The following PER3 variants were observed in gnomAD, a reference collection of about 807,000 sequenced individuals.
PER3 encodes period circadian protein homolog 3.
PER3 carries 107 observed loss-of-function variants against 127.2 expected under a neutral mutation model. The ratio of observed to expected loss-of-function variants is 0.84; its 90% CI spans 0.72 to 0.99. The LOEUF (loss-of-function observed/expected upper bound fraction) is 0.99. Among genes scored for constraint, PER3 ranks in the 50% least tolerant of loss-of-function variants. The probability of loss-of-function intolerance (pLI) is 0.00; values close to 1 mark genes in which losing one functional copy is unlikely to be tolerated. For missense variants in PER3, 1,560 were observed against 1,525.8 expected, an observed-to-expected ratio of 1.02 and a Z score of -0.37; for synonymous variants, 618 against 585.8, an observed-to-expected ratio of 1.05 and a Z score of -0.79.
intron 16 of PER3, among the ~76,000 whole-genome samples, chr1:7,822,895 C>CA (rs1240989606): frequency 6.6e-6 from 1 of 151,982 alleles, no homozygotes; most frequent in African/African-American, 2.4e-5. Context: ...CCCATCTCTA[C>CA]AAAAAATGTT....
At chr1:7,785,695 C>T (rs533329051) in intron 3 of PER3, 109 bp downstream of exon 3, 5 of 866,080 alleles carry the variant, frequency 5.8e-6, no homozygotes, top group South Asian at 1.8e-5. Flanking sequence ...TGAGCTTTTT[C>T]TGGTGCTTTG....
intron 18 of PER3, 141 bp from the exon 19 acceptor site, chr1:7,829,693 G>C (rs1326554796): frequency 1.5e-6 from 1 of 676,994 alleles, no homozygotes; most frequent in Non-Finnish European, 2.5e-6. Context: ...TTTATTTCTG[G>C]AATTTTCCAT....
At chr1:7,812,624 CAAAAA>C (rs35962033) in intron 13 of PER3, among the ~76,000 whole-genome samples, 142 of 85,388 alleles carry the variant, frequency 1.7e-3, no homozygotes, top group South Asian at 0.01. Context: ...GACTCCGTCT[CAAAAA>C]AAAAAAAAAA....
At chr1:7,789,891 A>G (rs2097110939) in intron 5 of PER3, among the ~76,000 whole-genome samples, 2 of 152,176 alleles carry the variant, frequency 1.3e-5, no homozygotes, top group South Asian at 4.1e-4. Flanking sequence ...TTTCAAAAAT[A>G]CTGATTTTAT....
chr1:7,834,542 A>G (rs1385402458), intron 19 of PER3, among the ~76,000 whole-genome samples: 1 of 152,076 alleles, frequency 6.6e-6, no homozygotes, highest in African/African-American at 2.4e-5. Flanking sequence ...TGTAGCCTCA[A>G]ACTCCTGGGC....
chr1:7,838,410 C>CT (rs1384732318), intron 21 of PER3, among the ~76,000 whole-genome samples: 2 of 152,152 alleles, frequency 1.3e-5, no homozygotes, highest in East Asian at 3.9e-4. Flanking sequence ...TCTACTTTCT[C>CT]TTTTTTCTTT....
intron 8 of PER3, 68 bp downstream of exon 8, chr1:7,801,259 A>G: frequency 1.1e-6 from 1 of 879,898 alleles, no homozygotes; most frequent in East Asian, 2.5e-5. Context: ...AGAAGATTAC[A>G]TTATGTTTGC....
intron 5 of PER3, among the ~76,000 whole-genome samples, chr1:7,789,433 T>C (rs1450122573): frequency 6.6e-6 from 1 of 152,154 alleles, no homozygotes; most frequent in Non-Finnish European, 1.5e-5. Flanking sequence ...CTGCACAAGC[T>C]CTCTCTCTTT....
Position 7,829,836 on chromosome 1 carries a change from G to C in PER3, c.2889G>C (p.Gln963His), listed in dbSNP as rs764194540. The part of the protein sequence containing the change: ...RRNTCPQTEY[Q>H]CVTGNNGSES... ...TTTCATGTGCCCTTACTTTCTAGCA[G>C]TGTGTTACAGGCAACAATGGCAGTG... The change falls in exon 19 of 22, where the codon CAG becomes CAC. Residue 963 changes from glutamine to histidine, a missense_variant and splice_region_variant. By Grantham distance (24) the Gln-to-His change is conservative. Transcript: ENST00000377532. 6.2e-7 allele frequency: 1 copy of C among 1,611,420 alleles called. No individual in the cohort carries two copies. The highest frequency in any genetic ancestry group is 1.1e-5 in the South Asian group (1 of 91,026).
chr1:7,828,836 G>A (rs1307561561), intron 18 of PER3, among the ~76,000 whole-genome samples: 1 of 152,146 alleles, frequency 6.6e-6, no homozygotes, highest in Non-Finnish European at 1.5e-5. Flanking sequence ...TATGCAGTAG[G>A]TGCTCCTGGA....
chr1:7,835,963 A>C lies in PER3; in HGVS notation c.3398+18A>C, dbSNP rs765161132. The C allele has an allele frequency of 6.7e-7, 1 of 1,503,712 alleles. No individual in the cohort carries two copies. The highest frequency in any genetic ancestry group is 9.1e-7 in the Non-Finnish European group (1 of 1,104,034). The allele number at this position is 1,503,712 out of a possible 1,614,324, so 93.1% of individuals were successfully genotyped here. On this transcript the variant is annotated intron_variant, in intron 20 of 21. Transcript: ENST00000377532. ...CCTGAGAGGTAAGAAAGCACTTTAGAAAACCCACTTTTTATATTTTTGTGG... is the reference window on the plus strand; with the variant it reads ...CCTGAGAGGTAAGAAAGCACTTTAGCAAACCCACTTTTTATATTTTTGTGG...
In PER3 at chr1:7,784,840, C is replaced by T; in HGVS notation, c.-38C>T. On this transcript the variant is annotated 5_prime_UTR_variant, in exon 2 of 22. Coordinates refer to ENST00000377532, the MANE Select transcript of PER3 (RefSeq NM_001377275.1). ...AGTGAGCGAGAAGCAGGCTGCGGGC[C>T]GTCCCAGCACGACGTGGAGCCCCGC... The T allele has an allele frequency of 2.8e-6, 4 of 1,425,116 alleles. No individual in the cohort carries two copies. Among genetic ancestry groups the T allele is most frequent in the East Asian group, 2.9e-5 (1 of 34,974 alleles). 88.3% of individuals were successfully genotyped at this position (1,425,116 alleles called of 1,614,324 possible). A position where few individuals can be genotyped will look rare whatever the true frequency, so the allele number is the denominator to read the frequency against.
intron 4 of PER3, chr1:7,787,302 C>CT (rs35115980): frequency 0.96 from 207,790 of 217,028 alleles, 99,589 homozygotes; most frequent in East Asian, 1. Context: ...TTTAGTATAT[C>CT]TTTTTTAATC....
At chr1:7,798,497 C>T (rs759723714) in intron 6 of PER3, 28 bp from the exon 7 acceptor site, 1 of 1,597,708 alleles carries the variant, frequency 6.3e-7, no homozygotes, top group Non-Finnish European at 8.6e-7. Flanking sequence ...TGCGTCAGGA[C>T]CAGCACTAAT....
At chr1:7,828,369 T>G (rs2097312984) in intron 18 of PER3, among the ~76,000 whole-genome samples, 1 of 152,226 alleles carries the variant, frequency 6.6e-6, no homozygotes, top group Non-Finnish European at 1.5e-5. Context: ...TTTGGTCTGC[T>G]TCCTTTAACT....
At chr1:7,811,844 C>G (rs1396451431) in intron 13 of PER3, among the ~76,000 whole-genome samples, 1 of 152,136 alleles carries the variant, frequency 6.6e-6, no homozygotes, top group Non-Finnish European at 1.5e-5. Flanking sequence ...AAGTCCTGTT[C>G]TTTCATTTTT....
chr1:7,785,065 G>A (rs1355850579), intron 2 of PER3, 60 bp downstream of exon 2: 23 of 1,532,548 alleles, frequency 1.5e-5, no homozygotes, highest in Non-Finnish European at 2.0e-5. Flanking sequence ...CTGGAGCAGG[G>A]AAAGGGGGAC....
chr1:7,830,282 T>A, intron 19 of PER3, 121 bp downstream of exon 19: 1 of 842,830 alleles, frequency 1.2e-6, no homozygotes, highest in Non-Finnish European at 1.8e-6. Flanking sequence ...TCTTTTTCCC[T>A]TTTTCCTTTT....
chr1:7,841,419 G>C (rs1288827520), intron 21 of PER3, among the ~76,000 whole-genome samples: 1 of 151,630 alleles, frequency 6.6e-6, no homozygotes, highest in Non-Finnish European at 1.5e-5. Flanking sequence ...GGTCCTTATT[G>C]CCCACTCTGA....
Sources: gnomAD v4.1 joint callset for allele counts (sites outside exome capture counted in the v4.1 genomes callset) on GRCh38, gnomAD v4.1.1 for gene constraint, MANE v1.5 for transcripts, NCBI Gene and HGNC (gene_info 2026-07-23, HGNC 2026-07-21) for gene names.